HS3ST4: variants seen among roughly 807,000 people sequenced by gnomAD.
The protein encoded by HS3ST4 is heparan sulfate-glucosamine 3-sulfotransferase 4.
HS3ST4 carries 17 observed loss-of-function variants against 29.2 expected under a neutral mutation model. That is an observed-to-expected ratio of 0.58 (90% CI 0.40 to 0.87). HS3ST4 has a LOEUF of 0.87. Among genes scored for constraint, HS3ST4 ranks in the 40% least tolerant of loss-of-function variants. HS3ST4 has a pLI of 0.00. For missense variants in HS3ST4, 627 were observed against 634.5 expected, an observed-to-expected ratio of 0.99 and a Z score of 0.13; for synonymous variants, 314 against 285.7, an observed-to-expected ratio of 1.10 and a Z score of -1.00.
intron 1 of HS3ST4, among the ~76,000 whole-genome samples, chr16:25,724,025 A>T (rs1596553333): frequency 6.6e-6 from 1 of 151,606 alleles, no homozygotes; most frequent in African/African-American, 2.4e-5. Flanking sequence ...GAGGCAGCAG[A>T]ATCGCTTGAA....
intron 1 of HS3ST4, among the ~76,000 whole-genome samples, chr16:26,022,349 A>G (rs1969421709): frequency 6.6e-6 from 1 of 152,164 alleles, no homozygotes; most frequent in South Asian, 2.1e-4. Flanking sequence ...CTAAAATGTT[A>G]GTGGTGGGTG....
In HS3ST4 at chr16:26,110,269, T is replaced by TTA. The variant is rs371444077; in HGVS notation, c.735-25335_735-25334dup. Among the ~76,000 whole-genome samples, 134 of 152,274 alleles carry TTA rather than the reference T, an allele frequency of 8.8e-4. 1 individual carries two copies. Among genetic ancestry groups the TTA allele is most frequent in the African/African-American group, 3.1e-3 (130 of 41,556 alleles). ...AATAATATTCCTATATCTGTATATATTATATATATGGTATACATACATCAC... is the reference window on the plus strand; with the variant it reads ...AATAATATTCCTATATCTGTATATATTATATATATATGGTATACATACATCAC... On this transcript the variant is annotated intron_variant, in intron 1 of 1. Coordinates refer to ENST00000331351, the MANE Select transcript of HS3ST4 (RefSeq NM_006040.3).
intron 1 of HS3ST4, among the ~76,000 whole-genome samples, chr16:25,791,406 C>G (rs895854139): frequency 6.6e-5 from 10 of 151,988 alleles, no homozygotes; most frequent in African/African-American, 2.4e-4. Flanking sequence ...TTAGAATCGT[C>G]TTGTTAATTT....
chr16:25,805,597 C>T lies in HS3ST4; in HGVS notation c.734+112446C>T, dbSNP rs765651388. Among the ~76,000 whole-genome samples the T allele has an allele frequency of 8.5e-4, 130 of 152,126 alleles. 3 individuals are homozygous for T. The highest frequency in any genetic ancestry group is 2.9e-4 in the Non-Finnish European group (20 of 68,012). ...TCAGTCCTCTTCCTTGATGTGCTGGCTACTGAGCTGGGCTGTGCCTGACCC... is the reference window on the plus strand; with the variant it reads ...TCAGTCCTCTTCCTTGATGTGCTGGTTACTGAGCTGGGCTGTGCCTGACCC... On this transcript the variant is annotated intron_variant, in intron 1 of 1. Coordinates refer to ENST00000331351, the MANE Select transcript of HS3ST4 (RefSeq NM_006040.3).
chr16:25,767,345 C>G (rs768999467), intron 1 of HS3ST4, among the ~76,000 whole-genome samples: 7 of 151,964 alleles, frequency 4.6e-5, no homozygotes, highest in African/African-American at 9.7e-5. Flanking sequence ...GTGCAAATAC[C>G]CAGTGCAAAC....
intron 1 of HS3ST4, among the ~76,000 whole-genome samples, chr16:26,048,975 G>GA (rs970289509): frequency 1.3e-5 from 2 of 151,978 alleles, no homozygotes; most frequent in African/African-American, 4.8e-5. Context: ...CCCTTATTGA[G>GA]AAAAAACGGA....
intron 1 of HS3ST4, among the ~76,000 whole-genome samples, chr16:25,789,575 C>T (rs1408664624): frequency 6.7e-6 from 1 of 149,904 alleles, no homozygotes; most frequent in Admixed American, 6.7e-5. Flanking sequence ...ATGATGAATA[C>T]AACTGGATTT....
In HS3ST4 at chr16:25,749,367, C is replaced by G. The variant is rs78464657; in HGVS notation, c.734+56216C>G. On this transcript the variant is annotated intron_variant, in intron 1 of 1. Coordinates refer to ENST00000331351, the MANE Select transcript of HS3ST4 (RefSeq NM_006040.3). ...AAAATTAGCTGGGCGTGGTGACATG[C>G]ACCTGTAGTTCCAGCTACTTGGGAG... Among the ~76,000 whole-genome samples, 3 of 152,180 alleles carry G rather than the reference C, an allele frequency of 2.0e-5. No individual in the cohort carries two copies. In the East Asian group the frequency reaches 5.8e-4, roughly 29 times the overall value.
chr16:25,893,583 C>T (rs115617012), intron 1 of HS3ST4, among the ~76,000 whole-genome samples: 1 of 152,178 alleles, frequency 6.6e-6, no homozygotes, highest in Admixed American at 6.5e-5. Context: ...CATTGGCCAG[C>T]TTTGAGCCAC....
chr16:25,779,991 AT>A (rs1291259150), intron 1 of HS3ST4, among the ~76,000 whole-genome samples: 1 of 152,130 alleles, frequency 6.6e-6, no homozygotes, highest in East Asian at 1.9e-4. Flanking sequence ...TTATTGCTCC[AT>A]TTCTTCGTAA....
At chr16:25,773,177 T>C (rs1966844426) in intron 1 of HS3ST4, among the ~76,000 whole-genome samples, 1 of 152,200 alleles carries the variant, frequency 6.6e-6, no homozygotes. Flanking sequence ...CTACCCACAC[T>C]TCCCCAGTTT....
chr16:26,093,150 T>C (rs917276632), intron 1 of HS3ST4, among the ~76,000 whole-genome samples: 11 of 152,226 alleles, frequency 7.2e-5, no homozygotes, highest in Non-Finnish European at 1.5e-4. Context: ...ACTACACCTC[T>C]GTGGGCAGGG....
At chr16:25,779,070 T>G (rs561153293) in intron 1 of HS3ST4, among the ~76,000 whole-genome samples, 1 of 152,316 alleles carries the variant, frequency 6.6e-6, no homozygotes, top group Non-Finnish European at 1.5e-5. Flanking sequence ...CTTACAGCTG[T>G]GATTGACCTG....
chr16:26,066,945 T>C (rs1898550252), intron 1 of HS3ST4, among the ~76,000 whole-genome samples: 1 of 152,168 alleles, frequency 6.6e-6, no homozygotes, highest in African/African-American at 2.4e-5. Flanking sequence ...TAAATAATCA[T>C]TGGCAGGGTC....
chr16:26,101,950 A>G (rs1368753398), intron 1 of HS3ST4, among the ~76,000 whole-genome samples: 1 of 152,164 alleles, frequency 6.6e-6, no homozygotes, highest in Non-Finnish European at 1.5e-5. Flanking sequence ...AAAGGTTCTT[A>G]GGTGGCCCAA....
chr16:25,933,916 A>G (rs904902707), intron 1 of HS3ST4, among the ~76,000 whole-genome samples: 3 of 152,202 alleles, frequency 2.0e-5, no homozygotes, highest in African/African-American at 4.8e-5. Context: ...CCCATAACTC[A>G]AACACCAGGC....
intron 1 of HS3ST4, among the ~76,000 whole-genome samples, chr16:25,874,028 G>A (rs1036178525): frequency 6.6e-6 from 1 of 151,732 alleles, no homozygotes; most frequent in Non-Finnish European, 1.5e-5. Context: ...CACTCTCATC[G>A]CACCTCACGC....
rs370711946 is a variant in HS3ST4, at chr16:25,854,347, C to T, written c.734+161196C>T. Among the ~76,000 whole-genome samples the T allele has an allele frequency of 1.1e-3, 161 of 152,222 alleles. 3 individuals carry two copies. The South Asian group carries it at 0.021, about 20-fold the overall frequency. ...TGTCATGGCATTTGTAAACTGTCAT[C>T]GTGCCAGTGGGAGTGACTTTAAGCA... On this transcript the variant is annotated intron_variant, in intron 1 of 1. Transcript: ENST00000331351.
intron 1 of HS3ST4, among the ~76,000 whole-genome samples, chr16:26,124,192 T>C (rs981290272): frequency 2.6e-5 from 4 of 152,194 alleles, no homozygotes; most frequent in Non-Finnish European, 2.9e-5. Context: ...AGTGCTGGGA[T>C]TACAGGCATG....
Sources: allele counts gnomAD v4.1 joint callset (sites outside exome capture counted in the v4.1 genomes callset), GRCh38; gene constraint gnomAD v4.1.1; transcripts MANE v1.5; gene names NCBI Gene and HGNC (gene_info 2026-07-23, HGNC 2026-07-21).